Variants in FRMD3 observed in about 807,000 individuals in gnomAD.
FRMD3 encodes the protein FERM domain-containing protein 3.
FRMD3 carries 33 observed loss-of-function variants against 70.2 expected under a neutral mutation model. The ratio of observed to expected loss-of-function variants is 0.47; its 90% CI spans 0.36 to 0.63. The LOEUF is 0.63. Among genes scored for constraint, FRMD3 ranks in the 20% least tolerant of loss-of-function variants. The pLI is 0.00. For missense variants in FRMD3, 632 were observed against 711.4 expected (o/e 0.89, Z 1.27); for synonymous variants, 279 against 255.9 (o/e 1.09, Z -0.86).
chr9:83,268,401 C>A (rs772958801), intron 13 of FRMD3, among the ~76,000 whole-genome samples: 1 of 151,954 alleles, frequency 6.6e-6, no homozygotes, highest in Non-Finnish European at 1.5e-5. Flanking sequence ...AAGAATTAAC[C>A]CTGAGAAAAT....
At chr9:83,258,599 T>G (rs537541275) in intron 13 of FRMD3, among the ~76,000 whole-genome samples, 1 of 152,350 alleles carries the variant, frequency 6.6e-6, no homozygotes, top group East Asian at 1.9e-4. Flanking sequence ...AGAAAGCACT[T>G]TGGGGACAAT....
chr9:83,327,387 T>A (rs1230912071), intron 6 of FRMD3, among the ~76,000 whole-genome samples: 2 of 152,240 alleles, frequency 1.3e-5, no homozygotes, highest in Admixed American at 6.5e-5. Flanking sequence ...ACTTTAGCAC[T>A]CAGCGACTGC....
At chr9:83,560,599 C>A in the FRMD3 span, among the ~76,000 whole-genome samples, 2 of 152,212 alleles carry the variant, frequency 1.3e-5, no homozygotes, top group African/African-American at 4.8e-5. Context: ...GTTTGTTACA[C>A]AGCATTAGGG....
chr9:83,279,967 A>T (rs1380443281), intron 13 of FRMD3, among the ~76,000 whole-genome samples: 1 of 152,190 alleles, frequency 6.6e-6, no homozygotes, highest in Non-Finnish European at 1.5e-5. Flanking sequence ...AAAATTTTCT[A>T]AAAAAGTAAA....
chr9:83,387,030 GCTAT>G (rs1454398973), intron 2 of FRMD3, among the ~76,000 whole-genome samples: 1 of 152,036 alleles, frequency 6.6e-6, no homozygotes, highest in Non-Finnish European at 1.5e-5. Context: ...TGGTTAAAGT[GCTAT>G]CTGTCATGTT....
At chr9:83,559,809 A>G in the FRMD3 span, among the ~76,000 whole-genome samples, 1 of 152,172 alleles carries the variant, frequency 6.6e-6, no homozygotes, top group Non-Finnish European at 1.5e-5. Flanking sequence ...CAATAAAATA[A>G]TTCAGATCAT....
chr9:83,564,882 G>A, the FRMD3 span, among the ~76,000 whole-genome samples: 2 of 152,144 alleles, frequency 1.3e-5, no homozygotes, highest in African/African-American at 4.8e-5. Flanking sequence ...CCATAAGATG[G>A]CATAGGCTGA....
the FRMD3 span, among the ~76,000 whole-genome samples, chr9:83,583,406 C>G: frequency 6.6e-6 from 1 of 152,054 alleles, no homozygotes; most frequent in Non-Finnish European, 1.5e-5. Flanking sequence ...CAAAAGCCTT[C>G]CCCCTGCCAG....
chr9:83,411,497 T>C (rs1327470604), intron 1 of FRMD3, among the ~76,000 whole-genome samples: 2 of 152,172 alleles, frequency 1.3e-5, no homozygotes, highest in African/African-American at 2.4e-5. Flanking sequence ...TATCTACCCA[T>C]CCCTTGGGGG....
At chr9:83,307,844 AAAAT>A (rs1835193225) in intron 10 of FRMD3, among the ~76,000 whole-genome samples, 1 of 152,234 alleles carries the variant, frequency 6.6e-6, no homozygotes. Context: ...TTTTTAAAAC[AAAAT>A]AAAAAATCAC....
At chr9:83,261,165 G>A (rs551766125) in intron 13 of FRMD3, among the ~76,000 whole-genome samples, 26 of 135,702 alleles carry the variant, frequency 1.9e-4, no homozygotes, top group South Asian at 7.3e-4. Flanking sequence ...CTCTCCCATC[G>A]CTGCTCCCCA....
rs1384300974 is a variant in FRMD3 at position 83,507,393 on chromosome 9, T to C, written c.147+30692A>G. Among the ~76,000 whole-genome samples, 7 of 96,116 alleles carry C rather than the reference T, an allele frequency of 7.3e-5. No individual in the cohort carries two copies. In the East Asian group the frequency reaches 1.7e-3, roughly 23 times the overall value. 63.1% of individuals were successfully genotyped at this position (96,116 alleles called of 152,430 possible). ...AAAAAAAAAAAAAAAAAAGGCTGGG[T>C]GTGGTGGCTCACGCCTGTAATCCCA... On this transcript the variant is annotated intron_variant, in intron 1 of 13. Transcript: ENST00000304195.
chr9:83,273,585 C>A (rs546922176), intron 13 of FRMD3, among the ~76,000 whole-genome samples: 153 of 145,634 alleles, frequency 1.1e-3, no homozygotes, highest in African/African-American at 3.7e-3. Flanking sequence ...TCCTATGACC[C>A]TGCCAAATCC....
At chr9:83,468,396 A>C (rs182518574) in intron 1 of FRMD3, among the ~76,000 whole-genome samples, 1 of 152,352 alleles carries the variant, frequency 6.6e-6, no homozygotes, top group Admixed American at 6.5e-5. Flanking sequence ...TATGGAGAGA[A>C]GTAACCAAGC....
intron 8 of FRMD3, among the ~76,000 whole-genome samples, chr9:83,311,683 C>A (rs890903273): frequency 5.9e-5 from 9 of 152,060 alleles, no homozygotes; most frequent in African/African-American, 1.7e-4. Context: ...CCTGAGCCCA[C>A]GCCTCCTAAG....
intron 10 of FRMD3, among the ~76,000 whole-genome samples, chr9:83,299,601 C>G (rs1234672295): frequency 6.6e-6 from 1 of 152,158 alleles, no homozygotes. Flanking sequence ...GCTGCCTATT[C>G]CTGTATCCAC....
At chr9:83,476,674 T>C (rs1828406503) in intron 1 of FRMD3, among the ~76,000 whole-genome samples, 1 of 152,122 alleles carries the variant, frequency 6.6e-6, no homozygotes, top group Admixed American at 6.5e-5. Flanking sequence ...GAAGGGTCAA[T>C]AAACTAAATA....
Position 83,246,505 on chromosome 9 carries a change from G to C in FRMD3, c.*1413C>G. 1.0e-6 allele frequency: 1 copy of C among 985,166 alleles called. No homozygotes were observed. Among genetic ancestry groups the C allele is most frequent in the Non-Finnish European group, 1.2e-6 (1 of 829,886 alleles). 61.0% of individuals were successfully genotyped at this position (985,166 alleles called of 1,614,324 possible). A position where few individuals can be genotyped will look rare whatever the true frequency, so the allele number is the denominator to read the frequency against. ...AGGGTCATGTCACTACTTTACCCAG[G>C]CTGAACTGGTATGTCATCTCATGAG... On this transcript the variant is annotated 3_prime_UTR_variant, in exon 14 of 14. Transcript: ENST00000304195.
In FRMD3 at chr9:83,404,068, GCACA is replaced by G. The variant is rs10552914; in HGVS notation, c.148-14364_148-14361del. On this transcript the variant is annotated intron_variant, in intron 1 of 13. Transcript: ENST00000304195. Reference sequence around the variant, plus strand: ...GCAGTGGGAATTCCTGCATACACACGCACACACACACACACACACACACAAGCAG... The same window carrying G: ...GCAGTGGGAATTCCTGCATACACACGCACACACACACACACACACAAGCAG... Among the ~76,000 whole-genome samples, 543 of 148,806 alleles carry G rather than the reference GCACA, an allele frequency of 3.6e-3. 3 individuals carry two copies. Among genetic ancestry groups the G allele is most frequent in the Non-Finnish European group, 5.1e-3 (343 of 66,978 alleles).
Sources: allele counts gnomAD v4.1 joint callset (sites outside exome capture counted in the v4.1 genomes callset), GRCh38; gene constraint gnomAD v4.1.1; transcripts MANE v1.5; gene names NCBI Gene and HGNC (gene_info 2026-07-23, HGNC 2026-07-21).